The following ABCB8 variants were observed in gnomAD, a reference collection of about 807,000 sequenced individuals.
ABCB8 encodes the protein ATP binding cassette subfamily B member 8.
A neutral mutation model predicts 73.0 loss-of-function variants in ABCB8; 52 were observed. The ratio of observed to expected loss-of-function variants is 0.71; its 90% CI spans 0.57 to 0.90. ABCB8 has a LOEUF of 0.90. ABCB8 is among the 40% of genes least tolerant of loss of function. The pLI is 0.00. For synonymous variants in ABCB8, 428 were observed against 423.5 expected (o/e 1.01, Z -0.13); for missense variants, 909 against 974.6 (o/e 0.93, Z 0.90).
chr7:151,044,353 C>T lies in ABCB8; in HGVS notation c.2016+132C>T, dbSNP rs1246988692. The T allele has an allele frequency of 2.1e-5, 30 of 1,422,248 alleles. No homozygotes were observed. In the East Asian group the frequency reaches 5.1e-4, roughly 24 times the overall value. 88.1% of individuals were successfully genotyped at this position (1,422,248 alleles called of 1,614,324 possible). ...CTTGGGGGCTATATTCTGGAAGCAG[C>T]GTCCCATATAGAGTCAGGAGTTCCT... On this transcript the variant is annotated intron_variant, in intron 15 of 15. Transcript: ENST00000358849.
In ABCB8 at chr7:151,033,784, T is replaced by C. The variant is rs748609995; in HGVS notation, c.275T>C (p.Leu92Pro). 5 of 1,614,076 alleles carry C rather than the reference T, an allele frequency of 3.1e-6. No homozygotes were observed. The highest frequency in any genetic ancestry group is 4.2e-6 in the Non-Finnish European group (5 of 1,179,984). Residue 92 changes from leucine to proline, a missense_variant, in exon 2 of 16, where the codon CTT (leucine) becomes CCT (proline). By Grantham distance (98) the Leu-to-Pro change is moderately conservative. Transcript: ENST00000358849. ...CTGAGTAAGCATCCCCACCTCTGCCTTGTGGCCCTGTGTGAGGCAGAAGAG... is the reference window on the plus strand; with the variant it reads ...CTGAGTAAGCATCCCCACCTCTGCCCTGTGGCCCTGTGTGAGGCAGAAGAG... ...MVLSKHPHLCLVALCEAEEAP... is the reference protein window; with the variant it reads ...MVLSKHPHLCPVALCEAEEAP...
Position 151,036,532 on chromosome 7 carries a change from C to T in ABCB8, c.1112-12C>T, listed in dbSNP as rs749708014. 6.1e-5 allele frequency: 99 copies of T among 1,611,074 alleles called. No homozygotes were observed. The highest frequency in any genetic ancestry group is 5.7e-4 in the Admixed American group (34 of 59,998). On this transcript the variant is annotated splice_polypyrimidine_tract_variant and intron_variant, in intron 8 of 15. Transcript: ENST00000358849. ...CCTGGCTTCGTCCTCCCTCACTTCC[C>T]CTCTCCTGCAGGCATGGTCTTGGGT...
chr7:151,034,952 C>A, intron 5 of ABCB8, 123 bp downstream of exon 5: 3 of 820,484 alleles, frequency 3.7e-6, no homozygotes, highest in Non-Finnish European at 5.8e-6. Flanking sequence ...CTCGAGAAAC[C>A]CACTGCCTGT....
intron 1 of ABCB8, among the ~76,000 whole-genome samples, chr7:151,029,344 G>A: frequency 6.6e-6 from 1 of 151,670 alleles, no homozygotes; most frequent in African/African-American, 2.4e-5. Context: ...TTGTACATGT[G>A]TGTTTTTCGC....
At chr7:151,042,639 G>T (rs1796499023) in intron 14 of ABCB8, among the ~76,000 whole-genome samples, 1 of 152,250 alleles carries the variant, frequency 6.6e-6, no homozygotes, top group African/African-American at 2.4e-5. Context: ...GCCTGGCACT[G>T]CAGGGCGTGC....
intron 9 of ABCB8, chr7:151,040,055 C>T (rs1796412754): frequency 1.8e-6 from 1 of 570,668 alleles, no homozygotes; most frequent in Non-Finnish European, 3.1e-6. Flanking sequence ...TGAGGGACAG[C>T]TGTCATCCTC....
Position 151,033,874 on chromosome 7 carries a change from A to C in ABCB8, c.365A>C (p.Gln122Pro), listed in dbSNP as rs1796231370. 6.2e-7 allele frequency: 1 copy of C among 1,611,162 alleles called. No individual in the cohort carries two copies. The highest frequency in any genetic ancestry group is 1.7e-5 in the Admixed American group (1 of 59,788). ...CGCTTTAACTGGAAGCTCTTCTGGC[A>C]GTTTCTGCACCCCCACCTGCTGGTC... The part of the protein sequence containing the change: ...GSRFNWKLFW[Q>P]FLHPHLLVLG... The change falls in exon 2 of 16, where the codon CAG (glutamine) becomes CCG (proline). Residue 122 changes from glutamine (Q) to proline (P), a missense_variant. By Grantham distance (76) the Gln-to-Pro change is moderately conservative. Coordinates refer to ENST00000358849, the MANE Select transcript of ABCB8 (RefSeq NM_007188.5).
rs1319576331 is a variant in ABCB8 at position 151,034,510 on chromosome 7, G to C, written c.570G>C (p.Leu190=). 3 of 1,613,370 alleles carry C rather than the reference G, an allele frequency of 1.9e-6. No individual in the cohort carries two copies. The highest frequency in any genetic ancestry group is 1.7e-5 in the Admixed American group (1 of 60,022). The stretch of plus-strand genomic sequence containing the variant: ...TGCACTGGGCTCTTTCGCAGGGACT[G>C]CTGACCTTCGGGTACCTGGTGCTGC... ...HLLILYGVQG[L]LTFGYLVLLS... Residue 190 remains leucine (L), a synonymous_variant, in exon 4 of 16, where the codon CTG becomes CTC. Transcript: ENST00000358849.
chr7:151,041,517 A>G (rs570268240), intron 13 of ABCB8, among the ~76,000 whole-genome samples: 3 of 152,318 alleles, frequency 2.0e-5, no homozygotes, highest in African/African-American at 7.2e-5. Flanking sequence ...ATCCCATAGC[A>G]TCCAGGTCTA....
chr7:151,029,015 C>G, intron 1 of ABCB8: 1 of 1,197,228 alleles, frequency 8.4e-7, no homozygotes, highest in South Asian at 1.5e-5. Context: ...TAGAGATGTT[C>G]AGCAGGGATA....
In ABCB8 at chr7:151,040,864, C is replaced by T; in HGVS notation, c.1425C>T (p.Asp475=). 6.2e-7 allele frequency: 1 copy of T among 1,604,470 alleles called. No individual in the cohort carries two copies. The highest frequency in any genetic ancestry group is 8.5e-7 in the Non-Finnish European group (1 of 1,175,866). Residue 475 remains aspartate, a synonymous_variant, in exon 12 of 16, where the codon GAC becomes GAT. Coordinates refer to ENST00000358849, the MANE Select transcript of ABCB8 (RefSeq NM_007188.5). ...PCRPGFEVLK[D]FTLTLPPGKI... ...GCCCCGGCTTCGAGGTGCTGAAAGACTTCACCCTGACGCTGCCCCCTGGCA... is the reference window on the plus strand; with the variant it reads ...GCCCCGGCTTCGAGGTGCTGAAAGATTTCACCCTGACGCTGCCCCCTGGCA...
chr7:151,034,044 C>T (rs1796237208), intron 2 of ABCB8, 127 bp downstream of exon 2: 2 of 1,281,234 alleles, frequency 1.6e-6, no homozygotes, highest in Non-Finnish European at 2.1e-6. Context: ...GCCAGGGGTC[C>T]AGGGGTGCCA....
At position 151,034,486 on chromosome 7, in the gene ABCB8, G is replaced by A. The variant is rs376556773; in HGVS notation, c.565-19G>A. Reference sequence around the variant, plus strand: ...GGAGCCACCCGAGGCATCCCTGAGTGCACTGGGCTCTTTCGCAGGGACTGC... The same window carrying A: ...GGAGCCACCCGAGGCATCCCTGAGTACACTGGGCTCTTTCGCAGGGACTGC... On this transcript the variant is annotated intron_variant, in intron 3 of 15. Transcript: ENST00000358849. The A allele has an allele frequency of 9.9e-6, 16 of 1,613,482 alleles. No homozygotes were observed. The African/African-American group carries it at 2.1e-4, about 22-fold the overall frequency.
intron 9 of ABCB8, chr7:151,037,457 T>C: frequency 1.6e-6 from 1 of 644,260 alleles, no homozygotes; most frequent in Non-Finnish European, 2.8e-6. Flanking sequence ...GCCTCTGGGA[T>C]GACCAGAGCT....
chr7:151,045,165 G>T, intron 15 of ABCB8, 44 bp from the exon 16 acceptor site: 5 of 1,495,368 alleles, frequency 3.3e-6, no homozygotes, highest in Non-Finnish European at 3.6e-6. Context: ...TCTGAAGCCT[G>T]CATGCCTTGG....
rs777177376 is a variant in ABCB8 at position 151,045,348 on chromosome 7, G to A, written c.2156G>A (p.Ter719=). ...EGPRSHQHKS[*] ...CCCAGGAGCCACCAGCACAAGTCCT[G>A]AGAAGGGCCCCCTGAGGTGTGGTCG... The change falls in exon 16 of 16, where the codon TGA becomes TAA. Residue 719 remains the stop codon, a stop_retained_variant. Transcript: ENST00000358849. The A allele has an allele frequency of 2.6e-5, 40 of 1,559,442 alleles. No individual in the cohort carries two copies. The highest frequency in any genetic ancestry group is 3.3e-5 in the Non-Finnish European group (38 of 1,151,610).
chr7:151,044,992 C>G (rs1382010770), intron 15 of ABCB8, among the ~76,000 whole-genome samples: 1 of 152,242 alleles, frequency 6.6e-6, no homozygotes, highest in Non-Finnish European at 1.5e-5. Context: ...GAATCATGTT[C>G]TTCCAAAATT....
intron 8 of ABCB8, 112 bp downstream of exon 8, chr7:151,036,282 C>A: frequency 8.9e-7 from 1 of 1,124,340 alleles, no homozygotes; most frequent in Non-Finnish European, 1.3e-6. Context: ...GCATTCGCCT[C>A]GGGCCAGCTG....
chr7:151,036,051 A>G (rs1796299512), intron 7 of ABCB8, 22 bp from the exon 8 acceptor site: 1 of 1,612,978 alleles, frequency 6.2e-7, no homozygotes, highest in Non-Finnish European at 8.5e-7. Flanking sequence ...TGCCTCCTGA[A>G]TGCACTGGTC....
Sources: gnomAD v4.1 joint callset for allele counts (sites outside exome capture counted in the v4.1 genomes callset) on GRCh38, gnomAD v4.1.1 for gene constraint, MANE v1.5 for transcripts, NCBI Gene and HGNC (gene_info 2026-07-23, HGNC 2026-07-21) for gene names.